The following ZNF808 variants were observed in gnomAD, a reference collection of about 807,000 sequenced individuals.
The protein encoded by ZNF808 is zinc finger protein 808.
Under a neutral mutation model 8.7 loss-of-function variants are expected in ZNF808, and 5 were observed. The ratio of observed to expected loss-of-function variants is 0.58; its 90% CI spans 0.30 to 1.21. The LOEUF (loss-of-function observed/expected upper bound fraction) is 1.21. ZNF808 is among the 50% of genes most tolerant of loss of function. The pLI, the probability that ZNF808 is intolerant of heterozygous loss-of-function variation, is 0.07. For synonymous variants in ZNF808, 380 were observed against 366.0 expected (o/e 1.04, Z -0.44); for missense variants, 1,103 against 1,098.4 (o/e 1.00, Z -0.06).
chr19:52,565,750 G>A (rs1242488519), downstream of ZNF808, among the ~76,000 whole-genome samples: 5 of 152,236 alleles, frequency 3.3e-5, no homozygotes, highest in Admixed American at 6.5e-5. Context: ...GTGATCATTT[G>A]TTATCTCCCT....
At chr19:52,548,319 T>C (rs1219373632) in intron 4 of ZNF808, among the ~76,000 whole-genome samples, 1 of 152,240 alleles carries the variant, frequency 6.6e-6, no homozygotes, top group Non-Finnish European at 1.5e-5. Flanking sequence ...AGATATGGTT[T>C]TCATCAATCT....
At chr19:52,530,846 G>A (rs1345502956) in intron 1 of ZNF808, among the ~76,000 whole-genome samples, 2 of 151,944 alleles carry the variant, frequency 1.3e-5, no homozygotes, top group African/African-American at 2.4e-5. Context: ...GTAGACATAC[G>A]CCTCTAATTT....
chr19:52,555,508 A>G lies in ZNF808; in HGVS notation c.2592A>G (p.Arg864=). ...TCAGTCGCAAATCACACCTTAAAAG[A>G]CATAGGATAATTCATACTGGAGAGA... ...KVFSRKSHLK[R]HRIIHTGEKP... is the part of the protein sequence containing the mutation. Residue 864 remains arginine (R), a synonymous_variant, in exon 5 of 5, where the codon AGA becomes AGG. Transcript: ENST00000359798. 6.2e-7 allele frequency: 1 copy of G among 1,614,078 alleles called. No homozygotes were observed. Among genetic ancestry groups the G allele is most frequent in the Non-Finnish European group, 8.5e-7 (1 of 1,180,000 alleles).
downstream of ZNF808, among the ~76,000 whole-genome samples, chr19:52,565,345 T>A (rs1207834062): frequency 6.6e-6 from 1 of 152,062 alleles, no homozygotes; most frequent in African/African-American, 2.4e-5. Context: ...GAAAGGAAAA[T>A]CAAAATTACT....
downstream of ZNF808, among the ~76,000 whole-genome samples, chr19:52,564,752 A>C (rs2059868566): frequency 6.6e-6 from 1 of 152,154 alleles, no homozygotes; most frequent in Admixed American, 6.6e-5. Flanking sequence ...TTAGGAGTTC[A>C]ACAACAGCCT....
At chr19:52,546,612 G>A (rs2059722810) in intron 3 of ZNF808, among the ~76,000 whole-genome samples, 1 of 149,146 alleles carries the variant, frequency 6.7e-6, no homozygotes, top group Non-Finnish European at 1.5e-5. Context: ...CATAATAGCT[G>A]ACATGTCTGT....
downstream of ZNF808, among the ~76,000 whole-genome samples, chr19:52,568,752 T>C (rs936140097): frequency 6.6e-6 from 1 of 152,236 alleles, no homozygotes; most frequent in Non-Finnish European, 1.5e-5. Context: ...ATTAATAATG[T>C]ATTCTAAATT....
Position 52,555,669 on chromosome 19 carries a change from T to A in ZNF808, c.*41T>A, listed in dbSNP as rs763725877. 1 of 1,570,550 alleles carries A rather than the reference T, an allele frequency of 6.4e-7. No homozygotes were observed. The highest frequency in any genetic ancestry group is 8.6e-7 in the Non-Finnish European group (1 of 1,160,586). On this transcript the variant is annotated 3_prime_UTR_variant, in exon 5 of 5. Coordinates refer to ENST00000359798, the MANE Select transcript of ZNF808 (RefSeq NM_001039886.4). ...AAAGTCTTCAGTAACACTACAACAATTGCAAATCATTGGAGAATCCATGAT... is the reference window on the plus strand; with the variant it reads ...AAAGTCTTCAGTAACACTACAACAAATGCAAATCATTGGAGAATCCATGAT...
downstream of ZNF808, among the ~76,000 whole-genome samples, chr19:52,560,027 C>G (rs989249603): frequency 4.6e-5 from 7 of 152,132 alleles, no homozygotes; most frequent in African/African-American, 7.2e-5. Context: ...TGTTAACTAT[C>G]ACAATGATGA....
chr19:52,560,319 C>T (rs1020720411), downstream of ZNF808, among the ~76,000 whole-genome samples: 2 of 149,204 alleles, frequency 1.3e-5, no homozygotes, highest in South Asian at 4.2e-4. Flanking sequence ...GAGTGACACT[C>T]CTTCTCAAAA....
chr19:52,565,147 A>G (rs1025176462), downstream of ZNF808, among the ~76,000 whole-genome samples: 1 of 152,188 alleles, frequency 6.6e-6, no homozygotes, highest in East Asian at 1.9e-4. Context: ...ATGGTGGCAC[A>G]TGCCTGTGTA....
chr19:52,562,493 T>C (rs2059861241), intron 3 of ZNF808, among the ~76,000 whole-genome samples: 1 of 152,202 alleles, frequency 6.6e-6, no homozygotes, highest in Non-Finnish European at 1.5e-5. Context: ...GAACATCCAA[T>C]TGGAGAATAA....
intron 1 of ZNF808, among the ~76,000 whole-genome samples, chr19:52,528,910 C>T (rs989217184): frequency 6.6e-6 from 1 of 151,062 alleles, no homozygotes; most frequent in South Asian, 2.1e-4. Flanking sequence ...GAGGATGGAG[C>T]AGAAGAGATG....
At chr19:52,567,365 A>C (rs1010463052), downstream of ZNF808, among the ~76,000 whole-genome samples, 1 of 150,936 alleles carries the variant, frequency 6.6e-6, no homozygotes, top group Non-Finnish European at 1.5e-5. Flanking sequence ...CTTTAAGAGA[A>C]GGCAGTTCCC....
chr19:52,536,636 A>AC (rs1162479027), intron 2 of ZNF808, among the ~76,000 whole-genome samples: 1 of 151,552 alleles, frequency 6.6e-6, no homozygotes, highest in African/African-American at 2.4e-5. Flanking sequence ...GCCCAGCTCC[A>AC]CCCTCCGGAA....
chr19:52,554,019 T>C lies in ZNF808; in HGVS notation c.1103T>C (p.Val368Ala). 1.2e-6 allele frequency: 2 copies of C among 1,613,534 alleles called. No homozygotes were observed. Among genetic ancestry groups the C allele is most frequent in the Non-Finnish European group, 1.7e-6 (2 of 1,179,872 alleles). Reference protein sequence around the residue: ...LSRHQRLHTGVKPYKCKICEK... With the variant: ...LSRHQRLHTGAKPYKCKICEK... ...CGCCATCAAAGACTTCATACTGGAG[T>C]GAAACCTTACAAATGTAAGATTTGT... Residue 368 changes from valine (V) to alanine (A), a missense_variant, in exon 5 of 5, where the codon GTG becomes GCG. Transcript: ENST00000359798.
intron 3 of ZNF808, among the ~76,000 whole-genome samples, chr19:52,545,033 C>T (rs1005689718): frequency 2.6e-5 from 4 of 152,132 alleles, no homozygotes; most frequent in African/African-American, 4.8e-5. Context: ...TTGTTCACCT[C>T]GGCCTCCCAA....
At chr19:52,537,257 AG>A (rs2059622215) in intron 2 of ZNF808, among the ~76,000 whole-genome samples, 1 of 152,064 alleles carries the variant, frequency 6.6e-6, no homozygotes, top group Non-Finnish European at 1.5e-5. Context: ...AGAGGGAAGA[AG>A]GGGATAAATA....
At chr19:52,566,321 A>G (rs935767192), downstream of ZNF808, among the ~76,000 whole-genome samples, 1 of 151,866 alleles carries the variant, frequency 6.6e-6, no homozygotes, top group African/African-American at 2.4e-5. Flanking sequence ...ATGCATCACC[A>G]TGCCCGGCTA....
Sources: gnomAD v4.1 joint callset for allele counts (sites outside exome capture counted in the v4.1 genomes callset) on GRCh38, gnomAD v4.1.1 for gene constraint, MANE v1.5 for transcripts, NCBI Gene and HGNC (gene_info 2026-07-23, HGNC 2026-07-21) for gene names.